Variants in LONRF1 observed in about 807,000 individuals in gnomAD.
LONRF1 encodes LON peptidase N-terminal domain and RING finger protein 1.
A neutral mutation model predicts 85.8 loss-of-function variants in LONRF1; 37 were observed. The observed-to-expected ratio is 0.43, with a 90% confidence interval of 0.33 to 0.57. The LOEUF (loss-of-function observed/expected upper bound fraction) is 0.57, where lower values mean the gene tolerates loss of function less well. LONRF1 is among the 20% of genes least tolerant of loss of function. LONRF1 has a pLI of 0.04. For missense variants in LONRF1, 1,036 were observed against 978.0 expected (o/e 1.06, Z -0.79); for synonymous variants, 517 against 390.1 (o/e 1.33, Z -3.83).
chr8:12,730,332 A>G (rs1338387951), intron 8 of LONRF1, among the ~76,000 whole-genome samples: 2 of 152,212 alleles, frequency 1.3e-5, no homozygotes, highest in African/African-American at 4.8e-5. Context: ...AAGTTTGGAA[A>G]TATGTATGCC....
chr8:12,747,720 CTT>C (rs1274118649), intron 1 of LONRF1, among the ~76,000 whole-genome samples: 1 of 151,240 alleles, frequency 6.6e-6, no homozygotes, highest in Non-Finnish European at 1.5e-5. Flanking sequence ...AGAGGGCTGT[CTT>C]ATTTCACTAA....
At chr8:12,733,227 A>G (rs1798595095) in intron 7 of LONRF1, among the ~76,000 whole-genome samples, 1 of 152,234 alleles carries the variant, frequency 6.6e-6, no homozygotes, top group African/African-American at 2.4e-5. Context: ...ATTAGCTGTC[A>G]TAAAAGCAAT....
At chr8:12,726,943 A>G (rs912808968) in intron 10 of LONRF1, among the ~76,000 whole-genome samples, 1 of 152,092 alleles carries the variant, frequency 6.6e-6, no homozygotes, top group Non-Finnish European at 1.5e-5. Context: ...TGTGCACTCA[A>G]AGATGGTTAA....
At chr8:12,737,873 G>T in intron 4 of LONRF1, 122 bp downstream of exon 4, 1 of 962,044 alleles carries the variant, frequency 1.0e-6, no homozygotes, top group Non-Finnish European at 1.5e-6. Flanking sequence ...ATTCTACTAT[G>T]ATAACTAACC....
At chr8:12,748,197 G>A (rs955660153) in intron 1 of LONRF1, among the ~76,000 whole-genome samples, 1 of 151,988 alleles carries the variant, frequency 6.6e-6, no homozygotes, top group Non-Finnish European at 1.5e-5. Flanking sequence ...GTTATTTATT[G>A]CTTGTACTTT....
intron 1 of LONRF1, chr8:12,753,642 G>A (rs1799501912): frequency 6.6e-6 from 1 of 152,126 alleles, no homozygotes; most frequent in African/African-American, 2.4e-5. Context: ...CTGAGAGAGG[G>A]GAGATAAAAT....
At chr8:12,749,251 T>C (rs4437649) in intron 1 of LONRF1, among the ~76,000 whole-genome samples, 119,053 of 151,978 alleles carry the variant, frequency 0.78, 47,537 homozygotes, top group East Asian at 0.94. Context: ...ACATAAATGG[T>C]AGCCTAGATA....
intron 3 of LONRF1, among the ~76,000 whole-genome samples, chr8:12,740,144 G>A (rs1798874878): frequency 6.6e-6 from 1 of 152,114 alleles, no homozygotes; most frequent in Admixed American, 6.6e-5. Context: ...GATAAATAAC[G>A]TGGCATGTTT....
At chr8:12,735,903 A>G (rs941694394) in intron 6 of LONRF1, among the ~76,000 whole-genome samples, 4 of 152,232 alleles carry the variant, frequency 2.6e-5, no homozygotes, top group Non-Finnish European at 4.4e-5. Flanking sequence ...ATGACCTAAT[A>G]AATAATGCAG....
At chr8:12,753,860 C>T (rs1449242540) in intron 1 of LONRF1, 1 of 152,304 alleles carries the variant, frequency 6.6e-6, no homozygotes, top group African/African-American at 2.4e-5. Context: ...AGTGGAAAGG[C>T]CAGGAGAAGC....
intron 1 of LONRF1, among the ~76,000 whole-genome samples, chr8:12,751,294 A>ATTTTTTTTTTTTTT (rs1554469328): frequency 2.4e-5 from 2 of 84,806 alleles, no homozygotes; most frequent in Admixed American, 1.7e-4. Context: ...TTTTATTTTT[A>ATTTTTTTTTTTTTT]TGTTTTTTTT....
rs1464489149 is a variant in LONRF1 at position 12,754,963 on chromosome 8, G to A, written c.458C>T (p.Ala153Val). The A allele has an allele frequency of 2.0e-6, 3 of 1,491,024 alleles. No homozygotes were observed. Among genetic ancestry groups the A allele is most frequent in the Non-Finnish European group, 2.7e-6 (3 of 1,126,078 alleles). The allele number at this position is 1,491,024 out of a possible 1,614,324, so 92.4% of individuals were successfully genotyped here. A position where few individuals can be genotyped will look rare whatever the true frequency, so the allele number is the denominator to read the frequency against. ...CRRCLRRELR[A>V]RCRLCRDRLP... ...CCGGTCCCGGCAGAGGCGGCAGCGG[G>A]CGCGGAGTTCCCTCCGCAGGCAGCG... Residue 153 changes from alanine (A) to valine (V), a missense_variant, in exon 1 of 12, where the codon GCC becomes GTC. Ala to Val is a moderately conservative substitution (Grantham distance 64). Around this residue, in one of 3 missense-constraint regions of LONRF1, gnomAD observed 742 missense variants for 614.4 expected, o/e 1.21. Coordinates refer to ENST00000398246, the MANE Select transcript of LONRF1 (RefSeq NM_152271.5).
intron 1 of LONRF1, among the ~76,000 whole-genome samples, chr8:12,744,597 C>G (rs1026968358): frequency 6.6e-6 from 1 of 152,112 alleles, no homozygotes; most frequent in African/African-American, 2.4e-5. Flanking sequence ...AGCTTATAAT[C>G]TAGCTAGAAA....
rs114851694 is a variant in LONRF1 at position 12,748,571 on chromosome 8, C to T, written c.722-5289G>A. On this transcript the variant is annotated intron_variant, in intron 1 of 11. Coordinates refer to ENST00000398246, the MANE Select transcript of LONRF1 (RefSeq NM_152271.5). ...TCTTTTATAAAGACTTTATTTTATACTCCCACAAGCTGTGTTTCTTCTCTT... is the reference window on the plus strand; with the variant it reads ...TCTTTTATAAAGACTTTATTTTATATTCCCACAAGCTGTGTTTCTTCTCTT... Among the ~76,000 whole-genome samples the T allele has an allele frequency of 4.2e-3, 646 of 152,288 alleles. 10 individuals are homozygous for T. In the South Asian group the frequency reaches 0.054, roughly 13 times the overall value.
intron 7 of LONRF1, among the ~76,000 whole-genome samples, chr8:12,733,050 T>G (rs1261113642): frequency 1.3e-5 from 2 of 152,136 alleles, no homozygotes; most frequent in African/African-American, 2.4e-5. Flanking sequence ...TACAGACTAC[T>G]GAGCCCCACG....
chr8:12,743,087 T>C (rs17118157), intron 2 of LONRF1, 77 bp downstream of exon 2: 16,559 of 932,700 alleles, frequency 0.018, 735 homozygotes, highest in Admixed American at 0.13. Flanking sequence ...TTTGTTAAAA[T>C]TCCTAACTGT....
rs569046004 is a variant in LONRF1, at chr8:12,722,402, C to T, written c.*694G>A. On this transcript the variant is annotated 3_prime_UTR_variant, in exon 12 of 12. Transcript: ENST00000398246. ...TGTTTTATGAATAGATGCACAGTAC[C>T]ATGTCAGGTTTACAATTGTTCCTGA... is the stretch of plus-strand genomic sequence containing the variant. The T allele has an allele frequency of 6.6e-6, 1 of 152,662 alleles. No homozygotes were observed. The highest frequency in any genetic ancestry group is 2.4e-5 in the African/African-American group (1 of 41,534). 9.5% of individuals were successfully genotyped at this position (152,662 alleles called of 1,614,324 possible). A position where few individuals can be genotyped will look rare whatever the true frequency, so the allele number is the denominator to read the frequency against.
Position 12,740,883 on chromosome 8 carries a change from T to C in LONRF1, c.954A>G (p.Gln318=), listed in dbSNP as rs998642499. The change falls in exon 3 of 12, where the codon CAA becomes CAG. Residue 318 remains glutamine (Q), a synonymous_variant. Transcript: ENST00000398246. Reference sequence around the variant, plus strand: ...TTGGTAAACTGATTACCTTTTGTACTTGCAGCTTTGCAGGTGCAAAATCTT... The same window carrying C: ...TTGGTAAACTGATTACCTTTTGTACCTGCAGCTTTGCAGGTGCAAAATCTT... ...LDEDFAPAKL[Q]VQKILCDLLL... 1 of 1,613,258 alleles carries C rather than the reference T, an allele frequency of 6.2e-7. No individual in the cohort carries two copies. Among genetic ancestry groups the C allele is most frequent in the African/African-American group, 1.3e-5 (1 of 74,856 alleles).
At chr8:12,724,175 A>C (rs1429602256) in intron 11 of LONRF1, among the ~76,000 whole-genome samples, 1 of 152,112 alleles carries the variant, frequency 6.6e-6, no homozygotes, top group Non-Finnish European at 1.5e-5. Flanking sequence ...CTGTCTTCTA[A>C]AATCCCCTCT....
Sources: allele counts gnomAD v4.1 joint callset (sites outside exome capture counted in the v4.1 genomes callset), GRCh38; gene constraint gnomAD v4.1.1; regional missense constraint gnomAD v4.1.1; transcripts MANE v1.5; gene names NCBI Gene and HGNC (gene_info 2026-07-23, HGNC 2026-07-21).